NDUFV3: variants seen among roughly 807,000 people sequenced by gnomAD.
The protein encoded by NDUFV3 is NADH dehydrogenase [ubiquinone] flavoprotein 3, mitochondrial.
Under a neutral mutation model 37.5 loss-of-function variants are expected in NDUFV3, and 44 were observed. The observed-to-expected ratio is 1.17, with a 90% CI of 0.92 to 1.51. The LOEUF (loss-of-function observed/expected upper bound fraction) is 1.51, where lower values mean the gene tolerates loss of function less well. Ranked by LOEUF, NDUFV3 falls within the 40% of genes most tolerant of loss-of-function variation. The pLI, the probability that NDUFV3 is intolerant of heterozygous loss-of-function variation, is 0.00. For synonymous variants in NDUFV3, 235 were observed against 239.3 expected (o/e 0.98, Z 0.17); for missense variants, 580 against 580.4 (o/e 1.00, Z 0.01).
rs1489061613 is a variant in NDUFV3, at chr21:42,910,646, G to A, written c.*1625G>A. On this transcript the variant is annotated 3_prime_UTR_variant, in exon 4 of 4. Coordinates refer to ENST00000354250, the MANE Select transcript of NDUFV3 (RefSeq NM_021075.4). Reference sequence around the variant, plus strand: ...ACGGAGTAGGAAGAGGTGAAGTTTCGTGCGGTGCAGGGACGGAGTAGGAAG... The same window carrying A: ...ACGGAGTAGGAAGAGGTGAAGTTTCATGCGGTGCAGGGACGGAGTAGGAAG... The A allele has an allele frequency of 3.2e-5, 5 of 157,246 alleles. 1 individual carries two copies. The highest frequency in any genetic ancestry group is 1.3e-4 in the African/African-American group (5 of 39,892). 9.7% of individuals were successfully genotyped at this position (157,246 alleles called of 1,614,324 possible).
chr21:42,893,316 G>A lies in NDUFV3; in HGVS notation c.-18G>A. The A allele has an allele frequency of 6.5e-7, 1 of 1,537,434 alleles. No individual in the cohort carries two copies. The highest frequency in any genetic ancestry group is 8.7e-7 in the Non-Finnish European group (1 of 1,146,298). ...CGCAGCTGCTGTGGCCCTGCTTGGT[G>A]CGCCCGCTGTCACCGCCATGGCTGC... On this transcript the variant is annotated 5_prime_UTR_variant, in exon 1 of 4. Transcript: ENST00000354250.
Position 42,910,533 on chromosome 21 carries a change from TGCA to T in NDUFV3, c.*1514_*1516del, listed in dbSNP as rs2146170374. On this transcript the variant is annotated 3_prime_UTR_variant, in exon 4 of 4. Coordinates refer to ENST00000354250, the MANE Select transcript of NDUFV3 (RefSeq NM_021075.4). ...CGAAGTAGGAAGAGGTGAAGTTTCG[TGCA>T]GTACAGGGACGGAGTAGGAAGAGGT... 2 of 142,924 alleles carry T rather than the reference TGCA, an allele frequency of 1.4e-5. No homozygotes were observed. Among genetic ancestry groups the T allele is most frequent in the East Asian group, 4.5e-4 (2 of 4,476 alleles). 8.9% of individuals were successfully genotyped at this position (142,924 alleles called of 1,614,324 possible). A position where few individuals can be genotyped will look rare whatever the true frequency, so the allele number is the denominator to read the frequency against.
rs879552833 is a variant in NDUFV3, at chr21:42,911,212, A to G, written c.*2191A>G. The G allele has an allele frequency of 6.6e-6, 1 of 152,192 alleles. No homozygotes were observed. The highest frequency in any genetic ancestry group is 1.9e-4 in the East Asian group (1 of 5,196). The allele number at this position is 152,192 out of a possible 1,614,324, so 9.4% of individuals were successfully genotyped here. On this transcript the variant is annotated 3_prime_UTR_variant, in exon 4 of 4. Transcript: ENST00000354250. The stretch of plus-strand genomic sequence containing the variant: ...AAGCCGAGATCATGCCATTGCATTC[A>G]GTCTGGGTGACAGCGTGAGACTGCA...
At chr21:42,908,026 G>T (rs1405587510) in intron 3 of NDUFV3, among the ~76,000 whole-genome samples, 2 of 152,050 alleles carry the variant, frequency 1.3e-5, no homozygotes, top group African/African-American at 4.8e-5. Context: ...ACGTTGTATG[G>T]CCTGGCATGG....
chr21:42,893,442 G>A, intron 1 of NDUFV3, 61 bp downstream of exon 1: 1 of 1,523,062 alleles, frequency 6.6e-7, no homozygotes, highest in South Asian at 1.2e-5. Context: ...GGGATGGGGT[G>A]AGGGGGCGCG....
rs2058728516 is a variant in NDUFV3, at chr21:42,903,693, AAAG to A, written c.687_689del (p.Lys230del). On this transcript the variant is annotated inframe_deletion, in exon 3 of 4. Transcript: ENST00000354250. ...CTGATCCAGAGAAGCCCCACCAGCC[AAAG>A]AAGAAAGGGTCCCCTGCTAAGCCAT... The A allele has an allele frequency of 6.2e-7, 1 of 1,614,174 alleles. No individual in the cohort carries two copies. Among genetic ancestry groups the A allele is most frequent in the Non-Finnish European group, 8.5e-7 (1 of 1,180,026 alleles).
chr21:42,894,561 A>T (rs201389314), intron 1 of NDUFV3, among the ~76,000 whole-genome samples: 6,358 of 62,322 alleles, frequency 0.1, 259 homozygotes, highest in Middle Eastern at 0.21. Context: ...ATATATATAT[A>T]TTTTTTTTTG....
intron 1 of NDUFV3, among the ~76,000 whole-genome samples, chr21:42,896,305 C>T (rs1426767387): frequency 2.0e-5 from 3 of 151,850 alleles, no homozygotes; most frequent in East Asian, 1.9e-4. Context: ...TACAGGCACC[C>T]GCCACCATGC....
chr21:42,907,286 CA>C (rs1236857760), intron 3 of NDUFV3, among the ~76,000 whole-genome samples: 3 of 151,800 alleles, frequency 2.0e-5, no homozygotes, highest in African/African-American at 4.8e-5. Flanking sequence ...TTAAGCTTTT[CA>C]AAAAAAATTT....
intron 2 of NDUFV3, 114 bp from the exon 3 acceptor site, chr21:42,903,068 T>C: frequency 1.4e-6 from 2 of 1,386,144 alleles, no homozygotes; most frequent in Middle Eastern, 1.9e-4. Flanking sequence ...TGTCTTAGGA[T>C]GATTGCATTG....
chr21:42,894,474 T>A (rs1448311984), intron 1 of NDUFV3, among the ~76,000 whole-genome samples: 1 of 69,016 alleles, frequency 1.4e-5, no homozygotes, highest in African/African-American at 7.4e-5. Flanking sequence ...AAATATATAT[T>A]ATATATTTAT....
At position 42,903,179 on chromosome 21, in the gene NDUFV3, C is replaced by T. The variant is rs375931941; in HGVS notation, c.170-3C>T. 219 of 1,614,064 alleles carry T rather than the reference C, an allele frequency of 1.4e-4. 2 individuals carry two copies. In the South Asian group the frequency reaches 1.9e-3, roughly 14 times the overall value. ...TAACATTCCTCTTTATGCCGTTTCC[C>T]AGATGTAGTGGAACCAAAGGAGAGG... On this transcript the variant is annotated splice_polypyrimidine_tract_variant and splice_region_variant and intron_variant, in intron 2 of 3. Coordinates refer to ENST00000354250, the MANE Select transcript of NDUFV3 (RefSeq NM_021075.4).
intron 2 of NDUFV3, among the ~76,000 whole-genome samples, chr21:42,899,467 A>G (rs1489758975): frequency 6.6e-6 from 1 of 150,908 alleles, no homozygotes; most frequent in African/African-American, 2.4e-5. Context: ...TGTTTTTGCG[A>G]TAAAGTCTCA....
intron 3 of NDUFV3, among the ~76,000 whole-genome samples, chr21:42,907,870 C>T (rs2058748767): frequency 6.7e-6 from 1 of 150,142 alleles, no homozygotes; most frequent in African/African-American, 2.4e-5. Flanking sequence ...GGATTATGGG[C>T]GTAAGCCACC....
rs145389563 is a variant in NDUFV3 at position 42,908,936 on chromosome 21, C to T, written c.1337C>T (p.Thr446Met). Residue 446 changes from threonine (T) to methionine (M), a missense_variant, in exon 4 of 4, where the codon ACG (threonine) becomes ATG (methionine). By Grantham distance (81) the Thr-to-Met change is moderately conservative (BLOSUM62 -1). Transcript: ENST00000354250. Reference sequence around the variant, plus strand: ...AACCTGCAGCATCATGACTACAGCACGTACACCTTCTTAGACCTCAACCTC... The same window carrying T: ...AACCTGCAGCATCATGACTACAGCATGTACACCTTCTTAGACCTCAACCTC... ...YKNLQHHDYS[T>M]YTFLDLNLEL... is the part of the protein sequence containing the mutation. 1.1e-5 allele frequency: 17 copies of T among 1,614,042 alleles called. No individual in the cohort carries two copies. The highest frequency in any genetic ancestry group is 5.3e-5 in the African/African-American group (4 of 75,024).
At chr21:42,899,277 G>GTTTTTTTTTTTTTTTTTTT (rs370812043) in intron 2 of NDUFV3, among the ~76,000 whole-genome samples, 19 of 141,160 alleles carry the variant, frequency 1.3e-4, no homozygotes, top group Non-Finnish European at 1.5e-4. Context: ...GTTGTATCTT[G>GTTTTTTTTTTTTTTTTTTT]TTTTTTTTTG....
intron 2 of NDUFV3, among the ~76,000 whole-genome samples, chr21:42,898,984 C>T (rs919915765): frequency 1.3e-5 from 2 of 152,278 alleles, no homozygotes; most frequent in East Asian, 1.9e-4. Context: ...TGAGTGGAAA[C>T]GGAGTGCTTC....
Position 42,903,542 on chromosome 21 carries a change from T to G in NDUFV3, c.530T>G (p.Val177Gly). ...EADVSEVTPRVVSKGRGGLRK... is the reference protein window; with the variant it reads ...EADVSEVTPRGVSKGRGGLRK... Reference sequence around the variant, plus strand: ...GACGTTTCAGAGGTCACTCCTCGAGTGGTGAGCAAAGGCAGAGGGGGGCTT... The same window carrying G: ...GACGTTTCAGAGGTCACTCCTCGAGGGGTGAGCAAAGGCAGAGGGGGGCTT... Residue 177 changes from valine (V) to glycine (G), a missense_variant, in exon 3 of 4, where the codon GTG becomes GGG. Transcript: ENST00000354250. The G allele has an allele frequency of 6.2e-7, 1 of 1,613,936 alleles. No homozygotes were observed. The highest frequency in any genetic ancestry group is 8.5e-7 in the Non-Finnish European group (1 of 1,179,996).
Position 42,896,980 on chromosome 21 carries a change from G to T in NDUFV3, c.102G>T (p.Leu34Phe). Reference protein sequence around the residue: ...VFRGLASTVSLSAESGKSEKG... With the variant: ...VFRGLASTVSFSAESGKSEKG... ...GAGGACTTGCTTCTACGGTTTCTTT[G>T]TCTGCGGAATCAGGGAAGAGTGAAA... The change falls in exon 2 of 4, where the codon TTG (leucine) becomes TTT (phenylalanine). Residue 34 changes from leucine (L) to phenylalanine (F), a missense_variant. Coordinates refer to ENST00000354250, the MANE Select transcript of NDUFV3 (RefSeq NM_021075.4). 1 of 1,613,976 alleles carries T rather than the reference G, an allele frequency of 6.2e-7. No homozygotes were observed. The highest frequency in any genetic ancestry group is 8.5e-7 in the Non-Finnish European group (1 of 1,179,966).
Sources: allele counts gnomAD v4.1 joint callset (sites outside exome capture counted in the v4.1 genomes callset), GRCh38; gene constraint gnomAD v4.1.1; transcripts MANE v1.5; gene names NCBI Gene and HGNC (gene_info 2026-07-23, HGNC 2026-07-21).